SDCCAG8: variants seen among roughly 807,000 people sequenced by gnomAD.
The protein encoded by SDCCAG8 is SHH signaling and ciliogenesis regulator SDCCAG8, also known as serologically defined colon cancer antigen 8.
Under a neutral mutation model 101.8 loss-of-function variants are expected in SDCCAG8, and 74 were observed. The observed-to-expected ratio is 0.73, with a 90% CI of 0.60 to 0.88. SDCCAG8 has a LOEUF of 0.88. Among genes scored for constraint, SDCCAG8 ranks in the 40% least tolerant of loss-of-function variants. SDCCAG8 has a pLI of 0.00. For synonymous variants in SDCCAG8, 281 were observed against 292.9 expected (o/e 0.96, Z 0.41); for missense variants, 787 against 822.6 (o/e 0.96, Z 0.53).
At chr1:243,426,710 G>A in intron 16 of SDCCAG8, 152 bp downstream of exon 16, 3 of 968,384 alleles carry the variant, frequency 3.1e-6, no homozygotes, top group Non-Finnish European at 4.8e-6. Context: ...ATGTATTTAT[G>A]CTTCCTTAAT....
intron 9 of SDCCAG8, among the ~76,000 whole-genome samples, chr1:243,318,864 T>A (rs2073500628): frequency 6.6e-6 from 1 of 152,204 alleles, no homozygotes; most frequent in Admixed American, 6.5e-5. Context: ...CAGGTCCTAT[T>A]CCTCTTTGAA....
intron 16 of SDCCAG8, among the ~76,000 whole-genome samples, chr1:243,487,262 C>G (rs1482003012): frequency 1.3e-5 from 2 of 152,082 alleles, no homozygotes; most frequent in African/African-American, 2.4e-5. Flanking sequence ...TTCAGGACAG[C>G]CCGGGCCCCC....
At chr1:243,498,759 C>T (rs1390506074) in intron 17 of SDCCAG8, among the ~76,000 whole-genome samples, 1 of 152,226 alleles carries the variant, frequency 6.6e-6, no homozygotes, top group Non-Finnish European at 1.5e-5. Context: ...TGATAGAGTC[C>T]TCCCTTGGAG....
chr1:243,487,699 G>C (rs1314615934), intron 16 of SDCCAG8: 2 of 152,428 alleles, frequency 1.3e-5, no homozygotes, highest in African/African-American at 4.8e-5. Flanking sequence ...CGGTGGTGCG[G>C]AATTGTGGGC....
chr1:243,475,934 C>G, intron 16 of SDCCAG8: 1 of 985,380 alleles, frequency 1.0e-6, no homozygotes, highest in Non-Finnish European at 1.2e-6. Context: ...CCCACAGTGG[C>G]ACACAACTGG....
At chr1:243,265,339 C>A (rs1293692338) in intron 1 of SDCCAG8, among the ~76,000 whole-genome samples, 1 of 152,306 alleles carries the variant, frequency 6.6e-6, no homozygotes, top group South Asian at 2.1e-4. Context: ...TCAGTAGTTG[C>A]AAACAAACAA....
intron 16 of SDCCAG8, among the ~76,000 whole-genome samples, chr1:243,434,514 C>T (rs1052205153): frequency 2.6e-5 from 4 of 152,044 alleles, no homozygotes; most frequent in Admixed American, 6.5e-5. Flanking sequence ...TTCCGTTATC[C>T]CTAGAGTTTG....
chr1:243,344,751 A>G (rs1427857972), intron 12 of SDCCAG8, among the ~76,000 whole-genome samples: 2 of 152,224 alleles, frequency 1.3e-5, no homozygotes, highest in Non-Finnish European at 2.9e-5. Flanking sequence ...AATCAAATTG[A>G]TTGTTGGCAG....
At chr1:243,377,616 ATTATTTAAT>A (rs2077674438) in intron 12 of SDCCAG8, among the ~76,000 whole-genome samples, 1 of 152,006 alleles carries the variant, frequency 6.6e-6, no homozygotes, top group South Asian at 2.1e-4. Context: ...ATGTAAATGA[ATTATTTAAT>A]TTATCTTCCA....
intron 16 of SDCCAG8, among the ~76,000 whole-genome samples, chr1:243,459,122 A>G (rs1037433642): frequency 8.5e-5 from 13 of 152,234 alleles, no homozygotes; most frequent in Non-Finnish European, 1.2e-4. Flanking sequence ...TCCTTCCCAT[A>G]ATGAAAAAAG....
intron 12 of SDCCAG8, among the ~76,000 whole-genome samples, chr1:243,360,373 C>T (rs1573554013): frequency 1.3e-5 from 2 of 151,776 alleles, no homozygotes; most frequent in African/African-American, 2.4e-5. Flanking sequence ...AGGATAGTCT[C>T]GATCTCTTGA....
intron 16 of SDCCAG8, among the ~76,000 whole-genome samples, chr1:243,486,548 C>A (rs886085377): frequency 6.6e-6 from 1 of 152,258 alleles, no homozygotes; most frequent in Non-Finnish European, 1.5e-5. Flanking sequence ...CCTCCAGGTT[C>A]TGAGGGCTCC....
chr1:243,351,217 A>T (rs935836628), intron 12 of SDCCAG8, among the ~76,000 whole-genome samples: 2 of 152,192 alleles, frequency 1.3e-5, no homozygotes, highest in South Asian at 4.1e-4. Context: ...TGGTGATGAC[A>T]GAGTTGCTCT....
At chr1:243,477,394 G>A (rs894928557) in intron 16 of SDCCAG8, among the ~76,000 whole-genome samples, 1 of 152,174 alleles carries the variant, frequency 6.6e-6, no homozygotes, top group Non-Finnish European at 1.5e-5. Context: ...GCTGATTAAG[G>A]TAACTCTTAC....
intron 16 of SDCCAG8, among the ~76,000 whole-genome samples, chr1:243,456,331 A>T (rs528698500): frequency 6.6e-6 from 1 of 152,152 alleles, no homozygotes; most frequent in South Asian, 2.1e-4. Flanking sequence ...CATGCAGATG[A>T]CCCAGGGTCA....
chr1:243,364,635 C>CAT (rs1468491408), intron 12 of SDCCAG8, among the ~76,000 whole-genome samples: 1 of 152,088 alleles, frequency 6.6e-6, no homozygotes, highest in Non-Finnish European at 1.5e-5. Context: ...TTCCTTTTCT[C>CAT]AGTTGTTTGA....
intron 13 of SDCCAG8, among the ~76,000 whole-genome samples, chr1:243,383,284 A>C (rs1293935338): frequency 6.6e-6 from 1 of 152,156 alleles, no homozygotes; most frequent in Admixed American, 6.5e-5. Context: ...GATTGAAGAA[A>C]CCTGAATTAT....
chr1:243,343,455 A>G (rs1348459464), intron 11 of SDCCAG8, among the ~76,000 whole-genome samples: 3 of 152,248 alleles, frequency 2.0e-5, no homozygotes, highest in South Asian at 2.1e-4. Flanking sequence ...AAATAAATAA[A>G]ACAAAGTTCT....
chr1:243,467,674 G>A (rs1401816238), intron 16 of SDCCAG8, among the ~76,000 whole-genome samples: 1 of 152,188 alleles, frequency 6.6e-6, no homozygotes, highest in Non-Finnish European at 1.5e-5. Context: ...TTTACTGAAA[G>A]ACTATTCTCT....
Sources: allele counts gnomAD v4.1 joint callset (sites outside exome capture counted in the v4.1 genomes callset), GRCh38; gene constraint gnomAD v4.1.1; transcripts MANE v1.5; gene names NCBI Gene and HGNC (gene_info 2026-07-23, HGNC 2026-07-21).